The following HOOK3 variants were observed in gnomAD, a reference collection of about 807,000 sequenced individuals.
HOOK3 encodes the protein hook microtubule tethering protein 3, also known as protein Hook homolog 3.
A neutral mutation model predicts 116.3 loss-of-function variants in HOOK3; 24 were observed. The observed-to-expected ratio is 0.21, with a 90% CI of 0.15 to 0.29. HOOK3 has a LOEUF of 0.29. Ranked by LOEUF, HOOK3 falls within the 10% of genes least tolerant of loss-of-function variation. The probability of loss-of-function intolerance (pLI) is 1.00; values close to 1 mark genes in which losing one functional copy is unlikely to be tolerated. For synonymous variants in HOOK3, 275 were observed against 283.0 expected, an observed-to-expected ratio of 0.97 and a Z score of 0.28; for missense variants, 632 against 830.2, an observed-to-expected ratio of 0.76 and a Z score of 2.93.
chr8:42,964,753 G>A (rs1808600216), intron 9 of HOOK3, among the ~76,000 whole-genome samples: 2 of 152,060 alleles, frequency 1.3e-5, no homozygotes, highest in Admixed American at 1.3e-4. Context: ...CGTGAACTGG[G>A]GGTGTGGAGA....
chr8:42,910,719 A>G (rs928316299), intron 2 of HOOK3, among the ~76,000 whole-genome samples: 1 of 152,194 alleles, frequency 6.6e-6, no homozygotes, highest in African/African-American at 2.4e-5. Flanking sequence ...TTCTTTGTCA[A>G]TTTGATATTT....
chr8:42,980,523 T>C (rs1250651763), intron 13 of HOOK3, among the ~76,000 whole-genome samples: 1 of 152,030 alleles, frequency 6.6e-6, no homozygotes, highest in Admixed American at 6.5e-5. Context: ...CCCTCAGGGA[T>C]GGATTAATCC....
intron 2 of HOOK3, among the ~76,000 whole-genome samples, chr8:42,906,657 A>G (rs1263190187): frequency 6.6e-6 from 1 of 152,136 alleles, no homozygotes; most frequent in Non-Finnish European, 1.5e-5. Context: ...CAATTCCCTT[A>G]TACTTTCTAT....
chr8:42,909,292 G>A (rs1252871981), intron 2 of HOOK3, among the ~76,000 whole-genome samples: 1 of 152,202 alleles, frequency 6.6e-6, no homozygotes, highest in East Asian at 1.9e-4. Context: ...CCACTTTTGT[G>A]TATATAGCCA....
intron 2 of HOOK3, among the ~76,000 whole-genome samples, chr8:42,909,732 T>G (rs1807385119): frequency 6.6e-6 from 1 of 152,188 alleles, no homozygotes. Context: ...GACAAAGTGC[T>G]GAGATTAAAG....
chr8:42,964,398 GACCCTA>G lies in HOOK3; in HGVS notation c.706_711del (p.Pro236_Asn237del), dbSNP rs761811407. On this transcript the variant is annotated inframe_deletion, in exon 9 of 22. Transcript: ENST00000307602. Reference sequence around the variant, plus strand: ...ACTCAATCAATCTGATTCTATAGAAGACCCTAACAGTCCAGCAGGAAGAAGGCATTT... The same window carrying G: ...ACTCAATCAATCTGATTCTATAGAAGACAGTCCAGCAGGAAGAAGGCATTT... 2.5e-6 allele frequency: 4 copies of G among 1,613,950 alleles called. No homozygotes were observed. Among genetic ancestry groups the G allele is most frequent in the Non-Finnish European group, 3.4e-6 (4 of 1,179,966 alleles).
rs59033055 is a variant in HOOK3, at chr8:42,990,325, C to CTTTTTTTTTT, written c.1532+3558_1532+3567dup. On this transcript the variant is annotated intron_variant, in intron 15 of 21. Transcript: ENST00000307602. ...TTGAGAAATAAATATCTGTTTAGATCTTTTTTTTTTTTTTTTTTTTTTTTT... is the reference window on the plus strand; with the variant it reads ...TTGAGAAATAAATATCTGTTTAGATCTTTTTTTTTTTTTTTTTTTTTTTTTTTTTTTTTTT... Among the ~76,000 whole-genome samples, 26 of 37,902 alleles carry CTTTTTTTTTT rather than the reference C, an allele frequency of 6.9e-4. 5 individuals carry two copies. The highest frequency in any genetic ancestry group is 1.2e-3 in the Non-Finnish European group (22 of 18,928). 24.9% of individuals were successfully genotyped at this position (37,902 alleles called of 152,430 possible). A position where few individuals can be genotyped will look rare whatever the true frequency, so the allele number is the denominator to read the frequency against.
Position 43,023,824 on chromosome 8 carries a change from A to G in HOOK3, c.*5326A>G. 2 of 204,680 alleles carry G rather than the reference A, an allele frequency of 9.8e-6. No individual in the cohort carries two copies. Among genetic ancestry groups the G allele is most frequent in the Non-Finnish European group, 2.0e-5 (2 of 100,086 alleles). 12.7% of individuals were successfully genotyped at this position (204,680 alleles called of 1,614,324 possible). On this transcript the variant is annotated 3_prime_UTR_variant, in exon 22 of 22. Coordinates refer to ENST00000307602, the MANE Select transcript of HOOK3 (RefSeq NM_032410.4). ...CGTTTGCTAAGTAATTGTTTGAAATATTTTTCAGCCTCTCCTGCTCCCTCA... is the reference window on the plus strand; with the variant it reads ...CGTTTGCTAAGTAATTGTTTGAAATGTTTTTCAGCCTCTCCTGCTCCCTCA...
chr8:42,924,756 T>C (rs1226772874), intron 2 of HOOK3, among the ~76,000 whole-genome samples: 2 of 152,116 alleles, frequency 1.3e-5, no homozygotes, highest in Non-Finnish European at 2.9e-5. Flanking sequence ...ACGAATCACC[T>C]GAGGTCAGGA....
chr8:42,950,339 G>A (rs902345069), intron 5 of HOOK3, 49 bp from the exon 6 acceptor site: 15 of 1,226,516 alleles, frequency 1.2e-5, no homozygotes, highest in Non-Finnish European at 1.7e-5. Flanking sequence ...TGATTCCCTT[G>A]ACCATCTTTA....
chr8:42,973,433 C>T (rs1808762165), intron 12 of HOOK3, 34 bp downstream of exon 12: 3 of 1,398,892 alleles, frequency 2.1e-6, no homozygotes, highest in African/African-American at 2.9e-5. Flanking sequence ...TGGTTTTGAG[C>T]ACTGCTAAAA....
At chr8:42,941,551 C>T (rs1205754623) in intron 4 of HOOK3, among the ~76,000 whole-genome samples, 2 of 150,140 alleles carry the variant, frequency 1.3e-5, no homozygotes, top group Non-Finnish European at 3.0e-5. Flanking sequence ...GAGGCATGAG[C>T]CACTGTGTCT....
intron 13 of HOOK3, among the ~76,000 whole-genome samples, chr8:42,979,925 T>C: frequency 6.6e-6 from 1 of 152,018 alleles, no homozygotes; most frequent in Non-Finnish European, 1.5e-5. Flanking sequence ...CACATATCTC[T>C]AATCATCTCT....
chr8:42,898,499 G>A (rs556140847), intron 1 of HOOK3, among the ~76,000 whole-genome samples: 3 of 152,220 alleles, frequency 2.0e-5, no homozygotes, highest in African/African-American at 4.8e-5. Flanking sequence ...GGGAGAGAGA[G>A]AGAGGAAAGA....
At chr8:43,012,867 G>T (rs1025697737) in intron 19 of HOOK3, among the ~76,000 whole-genome samples, 184 bp from the exon 20 acceptor site, 2 of 152,136 alleles carry the variant, frequency 1.3e-5, no homozygotes, top group Admixed American at 6.5e-5. Context: ...CTCCCAAAGT[G>T]CTGTGATTAC....
intron 11 of HOOK3, 131 bp downstream of exon 11, chr8:42,968,345 T>C (rs751448844): frequency 3.1e-6 from 2 of 641,076 alleles, no homozygotes; most frequent in African/African-American, 1.8e-5. Flanking sequence ...TTGATTCATT[T>C]AGGAGACTGA....
In HOOK3 at chr8:43,020,719, GTCAA is replaced by G. The variant is rs1294216360; in HGVS notation, c.*2238_*2241del. The G allele has an allele frequency of 1.8e-4, 32 of 177,268 alleles. 1 individual carries two copies. The South Asian group carries it at 5.4e-3, about 30-fold the overall frequency. The allele number at this position is 177,268 out of a possible 1,614,324, so 11.0% of individuals were successfully genotyped here. On this transcript the variant is annotated 3_prime_UTR_variant, in exon 22 of 22. Coordinates refer to ENST00000307602, the MANE Select transcript of HOOK3 (RefSeq NM_032410.4). Reference sequence around the variant, plus strand: ...ACAGAGTGAGACTCTGTCTCAATCAGTCAATCAATCAATCAATCAAATTGGAATA... The same window carrying G: ...ACAGAGTGAGACTCTGTCTCAATCAGTCAATCAATCAATCAAATTGGAATA...
chr8:42,968,562 T>C (rs1455429426), intron 11 of HOOK3, among the ~76,000 whole-genome samples: 3 of 152,148 alleles, frequency 2.0e-5, no homozygotes, highest in African/African-American at 7.2e-5. Context: ...ACTCCTGAGC[T>C]CAAGTGATCC....
chr8:42,939,869 C>T (rs1193984863), intron 4 of HOOK3, among the ~76,000 whole-genome samples: 1 of 150,954 alleles, frequency 6.6e-6, no homozygotes, highest in East Asian at 2.0e-4. Context: ...AGGCGCTCCC[C>T]ACATCTCAGA....
Sources: allele counts gnomAD v4.1 joint callset (sites outside exome capture counted in the v4.1 genomes callset), GRCh38; gene constraint gnomAD v4.1.1; transcripts MANE v1.5; gene names NCBI Gene and HGNC (gene_info 2026-07-23, HGNC 2026-07-21).